XRRA1: variants seen among roughly 807,000 people sequenced by gnomAD.
XRRA1 encodes X-ray radiation resistance associated 1.
In XRRA1, 69 loss-of-function variants were observed where a neutral mutation model predicts 80.2. The observed-to-expected ratio is 0.86, with a 90% CI of 0.71 to 1.05. The LOEUF (loss-of-function observed/expected upper bound fraction) is 1.05, where lower values mean the gene tolerates loss of function less well. Among genes scored for constraint, XRRA1 ranks in the 50% least tolerant of loss-of-function variants. The probability of loss-of-function intolerance (pLI) is 0.00; values close to 1 mark genes in which losing one functional copy is unlikely to be tolerated. For missense variants in XRRA1, 967 were observed against 976.4 expected (o/e 0.99, Z 0.13); for synonymous variants, 348 against 389.9 (o/e 0.89, Z 1.27).
In XRRA1 at chr11:74,843,915, T is replaced by A; in HGVS notation, c.2088A>T (p.Gln696His). Residue 696 changes from glutamine (Q) to histidine (H), a missense_variant, in exon 18 of 19, where the codon CAA becomes CAT. Gln to His is a conservative substitution (Grantham distance 24). Coordinates refer to ENST00000684022, the MANE Select transcript of XRRA1 (RefSeq NM_001378157.1). ...AGCGAATGAAGATGTCATCCAGAAG[T>A]TGGGCTCTAGTCTTCTTTGGGGGTG... ...PIPPPKKTRA[Q>H]LLDDIFIRLR... The A allele has an allele frequency of 6.2e-7, 1 of 1,613,702 alleles. No individual in the cohort carries two copies. Among genetic ancestry groups the A allele is most frequent in the Non-Finnish European group, 8.5e-7 (1 of 1,179,790 alleles).
intron 10 of XRRA1, among the ~76,000 whole-genome samples, chr11:74,902,871 T>C (rs969130289): frequency 2.0e-5 from 3 of 152,180 alleles, no homozygotes; most frequent in African/African-American, 7.2e-5. Flanking sequence ...AGGGGGACTA[T>C]AGTCAATAAT....
At position 74,843,233 on chromosome 11, in the gene XRRA1, G is replaced by A; in HGVS notation, c.2370C>T (p.Cys790=). 1 of 1,560,852 alleles carries A rather than the reference G, an allele frequency of 6.4e-7. No individual in the cohort carries two copies. The highest frequency in any genetic ancestry group is 8.7e-7 in the Non-Finnish European group (1 of 1,152,556). ...GTGAGTCACTGGCTGTGGGCTCCTG[G>A]CAGAACTCATCCATGAACTCGAGGA... ...GHFLEFMDEF[C]QEPTASDSQG is the part of the protein sequence containing the mutation. Residue 790 remains cysteine (C), a synonymous_variant, in exon 19 of 19, where the codon TGC becomes TGT. Transcript: ENST00000684022.
chr11:74,944,069 A>C (rs1946986311), intron 2 of XRRA1, among the ~76,000 whole-genome samples: 1 of 151,928 alleles, frequency 6.6e-6, no homozygotes, highest in Non-Finnish European at 1.5e-5. Flanking sequence ...CCATCCACCC[A>C]CCTTGGCCTC....
At chr11:74,865,512 G>T (rs1210651847) in intron 10 of XRRA1, among the ~76,000 whole-genome samples, 2 of 151,886 alleles carry the variant, frequency 1.3e-5, no homozygotes, top group Non-Finnish European at 2.9e-5. Flanking sequence ...GTGCCTGTCT[G>T]AACCACCATG....
At chr11:74,869,336 A>T (rs955138125) in intron 10 of XRRA1, among the ~76,000 whole-genome samples, 1 of 152,222 alleles carries the variant, frequency 6.6e-6, no homozygotes, top group Non-Finnish European at 1.5e-5. Flanking sequence ...AGGTAGAAAG[A>T]AATTATTTAG....
chr11:74,919,534 C>T, intron 8 of XRRA1: 1 of 358,000 alleles, frequency 2.8e-6, no homozygotes, highest in South Asian at 2.7e-5. Flanking sequence ...TGTCTACAGC[C>T]TGACTGGCTC....
intron 8 of XRRA1, among the ~76,000 whole-genome samples, chr11:74,911,858 GT>G (rs2055976089): frequency 6.6e-6 from 1 of 152,190 alleles, no homozygotes; most frequent in Non-Finnish European, 1.5e-5. Flanking sequence ...CTGAACTATG[GT>G]TTAACAGTAT....
At position 74,879,022 on chromosome 11, in the gene XRRA1, G is replaced by C. The variant is rs1391584090; in HGVS notation, c.1004-16001C>G. Among the ~76,000 whole-genome samples, 10 of 147,860 alleles carry C rather than the reference G, an allele frequency of 6.8e-5. No homozygotes were observed. In the East Asian group the frequency reaches 1.6e-3, roughly 24 times the overall value. On this transcript the variant is annotated intron_variant, in intron 10 of 18. Transcript: ENST00000684022. ...GAAGAAAGTCATTGGTAGCTTGATG[G>C]GGATGGCATTGAATCTGTAAATTAC...
intron 7 of XRRA1, 103 bp downstream of exon 7, chr11:74,927,288 G>A (rs978864069): frequency 3.5e-6 from 1 of 287,528 alleles, no homozygotes; most frequent in Non-Finnish European, 7.0e-6. Context: ...TGGCTGTACA[G>A]GCCCAGCAAG....
chr11:74,878,376 G>T (rs1330991574), intron 10 of XRRA1, among the ~76,000 whole-genome samples: 43 of 151,536 alleles, frequency 2.8e-4, no homozygotes, highest in South Asian at 1.9e-3. Flanking sequence ...CTTTGTCAGA[G>T]GAGTAGGTTG....
At position 74,845,128 on chromosome 11, in the gene XRRA1, G is replaced by T; in HGVS notation, c.1872C>A (p.His624Gln). The T allele has an allele frequency of 1.9e-6, 3 of 1,614,040 alleles. No homozygotes were observed. The highest frequency in any genetic ancestry group is 2.5e-6 in the Non-Finnish European group (3 of 1,179,908). Reference protein sequence around the residue: ...LPTAFLPSKYHGYEELLTAKP... With the variant: ...LPTAFLPSKYQGYEELLTAKP... ...TGGCTGTCAGCAGTTCTTCATAGCC[G>T]TGGTACTTGCTGGGAAGGAAGGCAG... Residue 624 changes from histidine to glutamine, a missense_variant, in exon 16 of 19, where the codon CAC (histidine) becomes CAA (glutamine). Transcript: ENST00000684022.
intron 14 of XRRA1, 49 bp downstream of exon 14, chr11:74,851,039 A>C: frequency 6.7e-7 from 1 of 1,490,638 alleles, no homozygotes; most frequent in Non-Finnish European, 9.2e-7. Flanking sequence ...ATACATTATA[A>C]TAGGCTGCAC....
At chr11:74,886,070 A>C (rs1312381757) in intron 10 of XRRA1, among the ~76,000 whole-genome samples, 1 of 152,246 alleles carries the variant, frequency 6.6e-6, no homozygotes, top group African/African-American at 2.4e-5. Flanking sequence ...CCTTAAAATA[A>C]TAAGAGCCAT....
intron 15 of XRRA1, chr11:74,846,341 G>C (rs2038154003): frequency 6.6e-6 from 1 of 152,124 alleles, no homozygotes; most frequent in Non-Finnish European, 1.5e-5. Flanking sequence ...CCAAGGACCA[G>C]ATGGTTTCAC....
chr11:74,911,785 G>A (rs969166035), intron 8 of XRRA1, among the ~76,000 whole-genome samples: 2 of 152,138 alleles, frequency 1.3e-5, no homozygotes, highest in African/African-American at 4.8e-5. Flanking sequence ...TAAAAACCCA[G>A]AGGGAGAAAC....
chr11:74,843,451 C>T lies in XRRA1; in HGVS notation c.2152G>A (p.Ala718Thr), dbSNP rs752074289. ...PRNITEAPLG[A>T]VLHQWTERRL... ...CGTTCTGTCCACTGGTGCAGGACAGCACCTGCAGGAAAAGAAGCCAGGAGA... is the reference window on the plus strand; with the variant it reads ...CGTTCTGTCCACTGGTGCAGGACAGTACCTGCAGGAAAAGAAGCCAGGAGA... Residue 718 changes from alanine to threonine, a missense_variant and splice_region_variant, in exon 19 of 19, where the codon GCT becomes ACT. Ala to Thr is a moderately conservative substitution (Grantham distance 58, BLOSUM62 0). Coordinates refer to ENST00000684022, the MANE Select transcript of XRRA1 (RefSeq NM_001378157.1). The T allele has an allele frequency of 1.2e-6, 2 of 1,610,966 alleles. No homozygotes were observed. The highest frequency in any genetic ancestry group is 1.7e-6 in the Non-Finnish European group (2 of 1,178,712).
chr11:74,924,017 T>A (rs565180539), intron 7 of XRRA1, among the ~76,000 whole-genome samples: 6 of 151,918 alleles, frequency 3.9e-5, no homozygotes, highest in African/African-American at 1.2e-4. Context: ...TAATTTTTTT[T>A]ATTTTTGTAG....
At chr11:74,883,436 G>C (rs1034041228) in intron 10 of XRRA1, among the ~76,000 whole-genome samples, 1 of 151,936 alleles carries the variant, frequency 6.6e-6, no homozygotes, top group South Asian at 2.1e-4. Flanking sequence ...AGATGAACCC[G>C]GTACCTCAGA....
At chr11:74,874,635 T>A (rs1839097201) in intron 10 of XRRA1, among the ~76,000 whole-genome samples, 1 of 152,260 alleles carries the variant, frequency 6.6e-6, no homozygotes, top group Non-Finnish European at 1.5e-5. Flanking sequence ...CTCTAAGGGA[T>A]GCCCTTGGCT....
Sources: allele counts gnomAD v4.1 joint callset (sites outside exome capture counted in the v4.1 genomes callset), GRCh38; gene constraint gnomAD v4.1.1; transcripts MANE v1.5; gene names NCBI Gene and HGNC (gene_info 2026-07-23, HGNC 2026-07-21).